The following ELSPBP1 variants were observed in gnomAD, a reference collection of about 807,000 sequenced individuals.
ELSPBP1 encodes epididymal sperm-binding protein 1.
ELSPBP1 carries 38 observed loss-of-function variants against 33.3 expected under a neutral mutation model. That is an observed-to-expected ratio of 1.14 (90% CI 0.88 to 1.50). The LOEUF (loss-of-function observed/expected upper bound fraction) is 1.50. ELSPBP1 is among the 40% of genes most tolerant of loss of function. ELSPBP1 has a pLI of 0.00. For synonymous variants in ELSPBP1, 85 were observed against 94.1 expected (o/e 0.90, Z 0.56); for missense variants, 267 against 263.5 (o/e 1.01, Z -0.09).
intron 1 of ELSPBP1, among the ~76,000 whole-genome samples, chr19:48,001,583 G>T (rs1033612088): frequency 6.6e-6 from 1 of 151,676 alleles, no homozygotes; most frequent in Admixed American, 6.6e-5. Context: ...TTGAGACAGG[G>T]TCTGGCTCTG....
At chr19:48,012,857 C>A (rs184183622) in intron 2 of ELSPBP1, among the ~76,000 whole-genome samples, 1 of 152,110 alleles carries the variant, frequency 6.6e-6, no homozygotes, top group African/African-American at 2.4e-5. Context: ...TATAAAAAAG[C>A]ACTACCACTT....
chr19:47,999,788 A>G (rs1338422986), intron 1 of ELSPBP1, among the ~76,000 whole-genome samples: 1 of 151,946 alleles, frequency 6.6e-6, no homozygotes, highest in Non-Finnish European at 1.5e-5. Context: ...TCCACATAGT[A>G]GGAGGAACAC....
At chr19:48,020,876 C>T (rs189999000) in intron 5 of ELSPBP1, among the ~76,000 whole-genome samples, 3 of 152,316 alleles carry the variant, frequency 2.0e-5, no homozygotes, top group Non-Finnish European at 2.9e-5. Context: ...TATATTTCTG[C>T]GCCACTCCGG....
At chr19:48,013,526 G>T (rs12462099) in intron 2 of ELSPBP1, among the ~76,000 whole-genome samples, 5,037 of 152,156 alleles carry the variant, frequency 0.033, 276 homozygotes, top group African/African-American at 0.12. Flanking sequence ...AGACCAGCCT[G>T]GCCAACATGG....
intron 5 of ELSPBP1, among the ~76,000 whole-genome samples, chr19:48,021,171 G>A (rs1478984216): frequency 6.6e-6 from 1 of 152,152 alleles, no homozygotes; most frequent in Non-Finnish European, 1.5e-5. Context: ...TCAGAAAATT[G>A]ATACTTGTGG....
intron 1 of ELSPBP1, among the ~76,000 whole-genome samples, chr19:47,995,909 T>C (rs1053969704): frequency 6.6e-6 from 1 of 152,148 alleles, no homozygotes; most frequent in Non-Finnish European, 1.5e-5. Flanking sequence ...ACTGTGAAAT[T>C]ATTTTGGCTT....
At chr19:48,004,085 A>G (rs1051226742) in intron 1 of ELSPBP1, among the ~76,000 whole-genome samples, 2 of 151,646 alleles carry the variant, frequency 1.3e-5, no homozygotes, top group Non-Finnish European at 2.9e-5. Context: ...CTGGAATTAC[A>G]GGCACGCACC....
chr19:48,012,567 G>A (rs942866969), intron 2 of ELSPBP1, among the ~76,000 whole-genome samples: 4 of 152,024 alleles, frequency 2.6e-5, no homozygotes, highest in African/African-American at 9.7e-5. Flanking sequence ...AAAGAAACCT[G>A]TTTAACTTTA....
At chr19:48,022,897 A>G (rs1270621233) in intron 6 of ELSPBP1, among the ~76,000 whole-genome samples, 1 of 151,138 alleles carries the variant, frequency 6.6e-6, no homozygotes, top group Non-Finnish European at 1.5e-5. Context: ...CAAAAAAAAA[A>G]AAAATTAGTT....
At position 48,024,767 on chromosome 19, in the gene ELSPBP1, T is replaced by C. The variant is rs549576196; in HGVS notation, c.*8-185T>C. 1.8e-4 allele frequency among the ~76,000 whole-genome samples: 27 copies of C among 152,318 alleles called. No individual in the cohort carries two copies. The South Asian group carries it at 5.4e-3, about 30-fold the overall frequency. ...AGAGGTGAGATTGAGGAGCTCATTG[T>C]TCATTGATCTCCTTGCTCCTATGAG... On this transcript the variant is annotated intron_variant, in intron 6 of 6. Transcript: ENST00000339841.
intron 2 of ELSPBP1, among the ~76,000 whole-genome samples, chr19:48,010,678 G>A (rs1310046915): frequency 6.6e-6 from 1 of 152,100 alleles, no homozygotes; most frequent in Non-Finnish European, 1.5e-5. Flanking sequence ...GAGAGGAAAG[G>A]CATTCAGGAC....
rs1034783227 is a variant in ELSPBP1 at position 48,001,078 on chromosome 19, G to A, written c.-18+6267G>A. 3.9e-5 allele frequency among the ~76,000 whole-genome samples: 6 copies of A among 152,164 alleles called. No homozygotes were observed. The East Asian group carries it at 9.7e-4, about 24-fold the overall frequency. On this transcript the variant is annotated intron_variant, in intron 1 of 6. Coordinates refer to ENST00000339841, the MANE Select transcript of ELSPBP1 (RefSeq NM_022142.5). ...TGGCTTCTTCCAGCTTCTAAAGGTC[G>A]CCTGCATTCTTTGGCTCGTGGCCTC...
Position 48,014,238 on chromosome 19 carries a change from T to C in ELSPBP1, c.138T>C (p.Ile46=), listed in dbSNP as rs117586587. 33,746 of 1,613,968 alleles carry C rather than the reference T, an allele frequency of 0.021. 477 individuals carry two copies. Among genetic ancestry groups the C allele is most frequent in the Non-Finnish European group, 0.024 (28,106 of 1,179,938 alleles). Residue 46 remains isoleucine, a synonymous_variant, in exon 3 of 7, where the codon ATT becomes ATC. Transcript: ENST00000339841. ...CTGTTTACTTCACTTGCACCCATAT[T>C]CATAGCTTATCCCCTTGGTGTGCCA... The part of the protein sequence containing the change: ...KGSVYFTCTH[I]HSLSPWCATR...
At chr19:47,994,960 T>G (rs1278851066) in intron 1 of ELSPBP1, 149 bp downstream of exon 1, 1 of 152,218 alleles carries the variant, frequency 6.6e-6, no homozygotes, top group African/African-American at 2.4e-5. Flanking sequence ...AGAAGCACTT[T>G]AAAAAACTAA....
intron 1 of ELSPBP1, among the ~76,000 whole-genome samples, chr19:48,000,969 T>C (rs12972376): frequency 0.21 from 31,547 of 152,160 alleles, 3,463 homozygotes; most frequent in Middle Eastern, 0.26. Context: ...CTTACAGTTC[T>C]GTGAGTCAGT....
chr19:48,003,007 T>C (rs1966982232), intron 1 of ELSPBP1, among the ~76,000 whole-genome samples: 1 of 152,080 alleles, frequency 6.6e-6, no homozygotes, highest in African/African-American at 2.4e-5. Context: ...CAACCCTTTT[T>C]CCGACCAGCC....
chr19:48,002,234 C>T (rs189439875), intron 1 of ELSPBP1, among the ~76,000 whole-genome samples: 17 of 152,212 alleles, frequency 1.1e-4, no homozygotes, highest in Non-Finnish European at 2.1e-4. Flanking sequence ...GCATGGAAAC[C>T]CAGGTGGTTG....
At chr19:48,024,902 G>A (rs988994095) in intron 6 of ELSPBP1, 50 bp from the exon 7 acceptor site, 4 of 152,158 alleles carry the variant, frequency 2.6e-5, no homozygotes, top group African/African-American at 9.7e-5. Context: ...TCCTCTTTGA[G>A]TCAATGCCTA....
intron 1 of ELSPBP1, among the ~76,000 whole-genome samples, chr19:47,995,224 A>G (rs1568401673): frequency 6.6e-6 from 1 of 152,150 alleles, no homozygotes; most frequent in African/African-American, 2.4e-5. Context: ...ACAGCCAGAG[A>G]AAGTAGGGAA....
Sources: gnomAD v4.1 joint callset for allele counts (sites outside exome capture counted in the v4.1 genomes callset) on GRCh38, gnomAD v4.1.1 for gene constraint, MANE v1.5 for transcripts, NCBI Gene and HGNC (gene_info 2026-07-23, HGNC 2026-07-21) for gene names.